Variants in INPP5D observed in about 807,000 individuals in gnomAD.
The protein encoded by INPP5D is inositol polyphosphate-5-phosphatase D.
Under a neutral mutation model 122.9 loss-of-function variants are expected in INPP5D, and 33 were observed. The observed-to-expected ratio is 0.27, with a 90% CI of 0.20 to 0.36. INPP5D has a LOEUF of 0.36. INPP5D is among the 10% of genes least tolerant of loss of function. The pLI, the probability that INPP5D is intolerant of heterozygous loss-of-function variation, is 1.00. For missense variants in INPP5D, 1,053 were observed against 1,412.7 expected, an observed-to-expected ratio of 0.75 and a Z score of 4.08; for synonymous variants, 584 against 576.2, an observed-to-expected ratio of 1.01 and a Z score of -0.19.
At chr2:233,127,373 GA>G (rs1693192771) in intron 4 of INPP5D, among the ~76,000 whole-genome samples, 1 of 152,224 alleles carries the variant, frequency 6.6e-6, no homozygotes, top group Non-Finnish European at 1.5e-5. Context: ...CAGGGTCAAG[GA>G]AAACTGGGAA....
intron 23 of INPP5D, among the ~76,000 whole-genome samples, chr2:233,195,182 T>C (rs921513192): frequency 6.6e-6 from 1 of 152,122 alleles, no homozygotes; most frequent in Non-Finnish European, 1.5e-5. Flanking sequence ...AAATGGCAAC[T>C]CTGGATCCCA....
Position 233,163,716 on chromosome 2 carries a change from C to A in INPP5D, c.1250C>A (p.Pro417His). 1 of 1,613,760 alleles carries A rather than the reference C, an allele frequency of 6.2e-7. No homozygotes were observed. Among genetic ancestry groups the A allele is most frequent in the Non-Finnish European group, 8.5e-7 (1 of 1,179,818 alleles). ...GGTTTTGCTGTTGAAGGTAACGCCC[C>A]CCCTCCCAAGAAGATCACGTCCTGG... ...FIGTWNMGNA[P>H]PPKKITSWFL... Residue 417 changes from proline (P) to histidine (H), a missense_variant, in exon 12 of 27, where the codon CCC (proline) becomes CAC (histidine). Pro to His is a moderately conservative substitution (Grantham distance 77). Around this residue, in one of 6 missense-constraint regions of INPP5D, gnomAD observed 105 missense variants for 199.8 expected, o/e 0.53. Transcript: ENST00000445964.
chr2:233,190,253 A>G (rs1695017988), intron 22 of INPP5D, among the ~76,000 whole-genome samples: 1 of 152,212 alleles, frequency 6.6e-6, no homozygotes, highest in Non-Finnish European at 1.5e-5. Flanking sequence ...GAGTAAACAG[A>G]GGCTCAGAAA....
At chr2:233,104,727 T>C (rs764001012) in intron 2 of INPP5D, among the ~76,000 whole-genome samples, 4 of 152,180 alleles carry the variant, frequency 2.6e-5, no homozygotes, top group Non-Finnish European at 4.4e-5. Context: ...GTGAATCGTT[T>C]GGTCAGCTGT....
intron 26 of INPP5D, chr2:233,205,136 G>T (rs1267781257): frequency 2.5e-5 from 4 of 162,328 alleles, no homozygotes; most frequent in Non-Finnish European, 5.3e-5. Context: ...CACGAGGTCA[G>T]GAGATCGAGA....
chr2:233,173,096 C>G (rs113167115), intron 17 of INPP5D, among the ~76,000 whole-genome samples: 9 of 151,828 alleles, frequency 5.9e-5, no homozygotes, highest in African/African-American at 2.2e-4. Context: ...GTAACCCCAG[C>G]TACTCGGGAG....
At chr2:233,132,731 C>G (rs142627901) in intron 5 of INPP5D, among the ~76,000 whole-genome samples, 1 of 152,288 alleles carries the variant, frequency 6.6e-6, no homozygotes, top group Non-Finnish European at 1.5e-5. Context: ...GTTCATCGAA[C>G]AAACATGTAT....
At chr2:233,201,429 C>T (rs764000622) in intron 25 of INPP5D, among the ~76,000 whole-genome samples, 8 of 152,356 alleles carry the variant, frequency 5.3e-5, no homozygotes, top group Admixed American at 2.0e-4. Context: ...CTGCCATCCA[C>T]GGGCAAGGGG....
intron 9 of INPP5D, 116 bp downstream of exon 9, chr2:233,147,710 G>T (rs141392009): frequency 1.6e-6 from 1 of 636,174 alleles, no homozygotes; most frequent in Non-Finnish European, 2.9e-6. Context: ...ACGCATGCGC[G>T]CCTGCGCTCA....
At position 233,197,222 on chromosome 2, in the gene INPP5D, C is replaced by T. The variant is rs76163820; in HGVS notation, c.2694-873C>T. ...AGGAGGCCGGTGCCTGACACAGTGG[C>T]AGCGTGCAGTGTGTCTGTTGGGGCC... On this transcript the variant is annotated intron_variant, in intron 24 of 26. Transcript: ENST00000445964. The surrounding 1 kb of genome is among the most constrained non-coding windows in gnomAD (Gnocchi z 4.4). Among the ~76,000 whole-genome samples the T allele has an allele frequency of 3.5e-3, 539 of 152,328 alleles. 3 individuals are homozygous for T. Among genetic ancestry groups the T allele is most frequent in the Non-Finnish European group, 5.7e-3 (391 of 68,026 alleles).
chr2:233,104,952 C>T (rs1294687775), intron 2 of INPP5D, among the ~76,000 whole-genome samples: 2 of 152,178 alleles, frequency 1.3e-5, no homozygotes, highest in African/African-American at 4.8e-5. Context: ...CTGGCCTGAT[C>T]TCACAGGAGC....
At chr2:233,204,899 A>G (rs1135727) in intron 26 of INPP5D, 182 bp downstream of exon 26, 527,920 of 1,032,236 alleles carry the variant, frequency 0.51, 138,691 homozygotes, top group East Asian at 0.81. Context: ...CTCCATGAGA[A>G]GGGAGAGTCA....
intron 4 of INPP5D, among the ~76,000 whole-genome samples, chr2:233,126,714 G>A (rs1396708039): frequency 6.6e-6 from 1 of 152,144 alleles, no homozygotes; most frequent in East Asian, 1.9e-4. Flanking sequence ...GAATCCAGGA[G>A]CTCAAGACCA....
intron 1 of INPP5D, among the ~76,000 whole-genome samples, chr2:233,075,657 G>A (rs1004337313): frequency 1.3e-5 from 2 of 152,080 alleles, no homozygotes; most frequent in Non-Finnish European, 2.9e-5. Context: ...CTGGTGGGGT[G>A]GCAGGCCAAG....
intron 13 of INPP5D, among the ~76,000 whole-genome samples, chr2:233,168,115 A>G (rs985449642): frequency 6.6e-6 from 1 of 152,226 alleles, no homozygotes; most frequent in Non-Finnish European, 1.5e-5. Flanking sequence ...TTGATTTATT[A>G]CAATCAATAG....
In INPP5D at chr2:233,198,317, CAAG is replaced by C; in HGVS notation, c.2920_2922del (p.Lys974del). 6.2e-7 allele frequency: 1 copy of C among 1,613,696 alleles called. No homozygotes were observed. Among genetic ancestry groups the C allele is most frequent in the Non-Finnish European group, 8.5e-7 (1 of 1,179,886 alleles). On this transcript the variant is annotated inframe_deletion, in exon 25 of 27. Coordinates refer to ENST00000445964, the MANE Select transcript of INPP5D (RefSeq NM_001017915.3). ...CTCCCGGCCAGCCGCCCATATCACC[CAAG>C]AAGTTTTTACCCTCAACAGCAAACC...
At chr2:233,134,069 G>A in intron 5 of INPP5D, 1 of 455,260 alleles carries the variant, frequency 2.2e-6, no homozygotes, top group Non-Finnish European at 4.4e-6. Flanking sequence ...GTGAAGGGAA[G>A]ATGAATCTAG....
Position 233,204,562 on chromosome 2 carries a change from A to C in INPP5D, c.3412A>C (p.Thr1138Pro), listed in dbSNP as rs1695432574. 1 of 1,569,638 alleles carries C rather than the reference A, an allele frequency of 6.4e-7. No individual in the cohort carries two copies. Among genetic ancestry groups the C allele is most frequent in the South Asian group, 1.2e-5 (1 of 85,652 alleles). ...CAACCAGCAGACCCCGCCCACCCCG[A>C]CGCCGCGGCCGCCGCTGCCAGTCAA... ...EINQQTPPTP[T>P]PRPPLPVKSP... is the part of the protein sequence containing the mutation. The change falls in exon 26 of 27, where the codon ACG becomes CCG. Residue 1138 changes from threonine (T) to proline (P), a missense_variant. Transcript: ENST00000445964.
rs578137486 is a variant in INPP5D, at chr2:233,166,249, C to T, written c.1555+1825C>T. Among the ~76,000 whole-genome samples the T allele has an allele frequency of 3.9e-5, 6 of 152,274 alleles. No individual in the cohort carries two copies. The East Asian group carries it at 9.7e-4, about 25-fold the overall frequency. ...CCTGCCCCGCTGTGCAGAATATGCT[C>T]GGACCTCCTAGGGCCACATAAAACC... On this transcript the variant is annotated intron_variant, in intron 13 of 26. Coordinates refer to ENST00000445964, the MANE Select transcript of INPP5D (RefSeq NM_001017915.3).
Sources: allele counts gnomAD v4.1 joint callset (sites outside exome capture counted in the v4.1 genomes callset), GRCh38; gene constraint gnomAD v4.1.1; regional missense constraint gnomAD v4.1.1; non-coding constraint Gnocchi (gnomAD v3.1); transcripts MANE v1.5; gene names NCBI Gene and HGNC (gene_info 2026-07-23, HGNC 2026-07-21).